The following CLEC3B variants were observed in gnomAD, a reference collection of about 807,000 sequenced individuals.
CLEC3B encodes the protein C-type lectin domain family 3 member B.
Under a neutral mutation model 15.4 loss-of-function variants are expected in CLEC3B, and 13 were observed. The ratio of observed to expected loss-of-function variants is 0.84; its 90% CI spans 0.55 to 1.34. The LOEUF (loss-of-function observed/expected upper bound fraction) is 1.34, where lower values mean the gene tolerates loss of function less well. CLEC3B is among the 40% of genes most tolerant of loss of function. The pLI, the probability that CLEC3B is intolerant of heterozygous loss-of-function variation, is 0.00. For synonymous variants in CLEC3B, 112 were observed against 114.7 expected (o/e 0.98, Z 0.15); for missense variants, 242 against 268.6 (o/e 0.90, Z 0.69).
intron 1 of CLEC3B, 118 bp downstream of exon 1, chr3:45,026,589 G>T: frequency 1.1e-6 from 1 of 875,746 alleles, no homozygotes; most frequent in South Asian, 1.5e-5. Context: ...GGGAACTTGA[G>T]TAAAGTGGGC....
Position 45,035,980 on chromosome 3 carries a change from G to A in CLEC3B, c.*56G>A. ...AGGAGGGCAGGGGCCGCGGGAGGCC[G>A]GGAGGAGGGTGGGGACCTTGCAGCC... On this transcript the variant is annotated 3_prime_UTR_variant, in exon 3 of 3. Transcript: ENST00000296130. The A allele has an allele frequency of 1.4e-6, 2 of 1,476,282 alleles. No individual in the cohort carries two copies. Among genetic ancestry groups the A allele is most frequent in the Non-Finnish European group, 9.0e-7 (1 of 1,108,168 alleles). 91.4% of individuals were successfully genotyped at this position (1,476,282 alleles called of 1,614,324 possible). A position where few individuals can be genotyped will look rare whatever the true frequency, so the allele number is the denominator to read the frequency against.
At chr3:45,035,286 C>A (rs1273235888) in intron 2 of CLEC3B, among the ~76,000 whole-genome samples, 2 of 152,196 alleles carry the variant, frequency 1.3e-5, no homozygotes, top group Non-Finnish European at 2.9e-5. Flanking sequence ...TTTCTCCCAG[C>A]CGCGGGAGCA....
chr3:45,032,661 G>C (rs985449335), intron 2 of CLEC3B, among the ~76,000 whole-genome samples: 12 of 152,200 alleles, frequency 7.9e-5, no homozygotes, highest in African/African-American at 2.7e-4. Flanking sequence ...GTTGAAGGAA[G>C]GACAAACATG....
In CLEC3B at chr3:45,030,810, A is replaced by G; in HGVS notation, c.110-17A>G. The G allele has an allele frequency of 1.9e-6, 3 of 1,561,818 alleles. No individual in the cohort carries two copies. The highest frequency in any genetic ancestry group is 4.7e-5 in the East Asian group (2 of 42,480). Reference sequence around the variant, plus strand: ...CTCAGTCCCTGCCCCACCCTGACATATTTCCTCCTGCTTCAGATGTTGTGA... The same window carrying G: ...CTCAGTCCCTGCCCCACCCTGACATGTTTCCTCCTGCTTCAGATGTTGTGA... On this transcript the variant is annotated splice_polypyrimidine_tract_variant and intron_variant, in intron 1 of 2. Coordinates refer to ENST00000296130, the MANE Select transcript of CLEC3B (RefSeq NM_003278.3).
At position 45,036,048 on chromosome 3, in the gene CLEC3B, G is replaced by A. The variant is rs965059107; in HGVS notation, c.*124G>A. ...CTTGGAGCCTCTTTTTGCAAATAAA[G>A]TTGGTGCAGCTTCGCGGAGAGGAGA... On this transcript the variant is annotated 3_prime_UTR_variant, in exon 3 of 3. Coordinates refer to ENST00000296130, the MANE Select transcript of CLEC3B (RefSeq NM_003278.3). The A allele has an allele frequency of 2.5e-6, 3 of 1,189,030 alleles. No homozygotes were observed. The highest frequency in any genetic ancestry group is 5.2e-5 in the East Asian group (2 of 38,756). 73.7% of individuals were successfully genotyped at this position (1,189,030 alleles called of 1,614,324 possible). A position where few individuals can be genotyped will look rare whatever the true frequency, so the allele number is the denominator to read the frequency against.
chr3:45,027,347 T>A (rs1697497567), intron 1 of CLEC3B, among the ~76,000 whole-genome samples: 1 of 152,202 alleles, frequency 6.6e-6, no homozygotes, highest in South Asian at 2.1e-4. Context: ...AATGGACAGT[T>A]GCCCACTGGC....
At chr3:45,028,946 A>T (rs1697519308) in intron 1 of CLEC3B, among the ~76,000 whole-genome samples, 1 of 152,194 alleles carries the variant, frequency 6.6e-6, no homozygotes, top group Non-Finnish European at 1.5e-5. Flanking sequence ...TTGGGGCCAC[A>T]TGGTCACACC....
At chr3:45,031,239 C>T (rs896401215) in intron 2 of CLEC3B, among the ~76,000 whole-genome samples, 1 of 152,234 alleles carries the variant, frequency 6.6e-6, no homozygotes, top group African/African-American at 2.4e-5. Flanking sequence ...CCAGAAGTGA[C>T]CCTGGAGCGC....
intron 1 of CLEC3B, 136 bp downstream of exon 1, chr3:45,026,607 C>T (rs1697489105): frequency 1.4e-6 from 1 of 732,012 alleles, no homozygotes; most frequent in East Asian, 2.7e-5. Context: ...GGCTTTGGGG[C>T]TTGGGGGAGT....
rs2125980000 is a variant in CLEC3B, at chr3:45,030,840, A to G, written c.123A>G (p.Thr41=). The change falls in exon 2 of 3, where the codon ACA becomes ACG. Residue 41 remains threonine (T), a synonymous_variant. Coordinates refer to ENST00000296130, the MANE Select transcript of CLEC3B (RefSeq NM_003278.3). ...IVNAKKDVVN[T]KMFEELKSRL... ...CTCCTGCTTCAGATGTTGTGAACAC[A>G]AAGATGTTTGAGGAGCTCAAGAGCC... 1 of 1,591,618 alleles carries G rather than the reference A, an allele frequency of 6.3e-7. No homozygotes were observed. The highest frequency in any genetic ancestry group is 1.8e-5 in the Admixed American group (1 of 56,812).
intron 1 of CLEC3B, chr3:45,030,059 G>T: frequency 1.7e-6 from 1 of 581,856 alleles, no homozygotes; most frequent in Non-Finnish European, 2.2e-6. Flanking sequence ...GTGAAATGCT[G>T]GTGGTACAGA....
chr3:45,026,327 G>T lies in CLEC3B; in HGVS notation c.-36G>T, dbSNP rs1394763498. On this transcript the variant is annotated 5_prime_UTR_variant, in exon 1 of 3. Transcript: ENST00000296130. The stretch of plus-strand genomic sequence containing the variant: ...TGTCACTGCGTTCGGACCCAGACCC[G>T]CTGCAGGCAGCAGCAGCCCCCGCCC... 2 of 1,578,970 alleles carry T rather than the reference G, an allele frequency of 1.3e-6. No homozygotes were observed. The highest frequency in any genetic ancestry group is 2.3e-5 in the East Asian group (1 of 44,396).
chr3:45,026,622 T>A (rs1315717943), intron 1 of CLEC3B, 151 bp downstream of exon 1: 1 of 678,974 alleles, frequency 1.5e-6, no homozygotes, highest in Non-Finnish European at 2.6e-6. Flanking sequence ...GGGAGTTCTC[T>A]CATAGCAGAG....
rs1021182025 is a variant in CLEC3B, at chr3:45,029,806, T to C, written c.110-1021T>C. Among the ~76,000 whole-genome samples the C allele has an allele frequency of 5.3e-5, 8 of 152,252 alleles. No homozygotes were observed. The East Asian group carries it at 1.2e-3, about 22-fold the overall frequency. ...CTAAACTTACACACACATAGAAATA[T>C]GCTTCCCGGCACCCTCAACTTACAC... On this transcript the variant is annotated intron_variant, in intron 1 of 2. Coordinates refer to ENST00000296130, the MANE Select transcript of CLEC3B (RefSeq NM_003278.3).
rs1201789378 is a variant in CLEC3B at position 45,035,647 on chromosome 3, G to A, written c.332G>A (p.Gly111Asp). 7 of 1,613,722 alleles carry A rather than the reference G, an allele frequency of 4.3e-6. No homozygotes were observed. The highest frequency in any genetic ancestry group is 2.7e-5 in the African/African-American group (2 of 74,942). ...GGCACCCTGGGCACCCCTCAGACTG[G>A]CTCGGAGAACGACGCCCTGTATGAG... is the stretch of plus-strand genomic sequence containing the variant. ...RGGTLGTPQT[G>D]SENDALYEYL... The change falls in exon 3 of 3, where the codon GGC (glycine) becomes GAC (aspartate). Residue 111 changes from glycine (G) to aspartate (D), a missense_variant. Coordinates refer to ENST00000296130, the MANE Select transcript of CLEC3B (RefSeq NM_003278.3).
intron 1 of CLEC3B, chr3:45,030,357 G>A: frequency 2.5e-6 from 1 of 392,396 alleles, no homozygotes; most frequent in South Asian, 9.8e-5. Context: ...GCTCGCCCAG[G>A]CCACCCGTGT....
In CLEC3B at chr3:45,035,873, C is replaced by T; in HGVS notation, c.558C>T (p.Asp186=). The T allele has an allele frequency of 6.2e-7, 1 of 1,611,468 alleles. No individual in the cohort carries two copies. The highest frequency in any genetic ancestry group is 8.5e-7 in the Non-Finnish European group (1 of 1,179,528). The change falls in exon 3 of 3, where the codon GAC becomes GAT. Residue 186 remains aspartate (D), a synonymous_variant. Coordinates refer to ENST00000296130, the MANE Select transcript of CLEC3B (RefSeq NM_003278.3). ...GCGCGGCCAACGGCAAGTGGTTCGA[C>T]AAGCGCTGCCGCGATCAGCTGCCCT... ...LSGAANGKWF[D]KRCRDQLPYI... is the part of the protein sequence containing the mutation.
chr3:45,026,354 C>A lies in CLEC3B; in HGVS notation c.-9C>A. 1.2e-6 allele frequency: 2 copies of A among 1,612,032 alleles called. No individual in the cohort carries two copies. The highest frequency in any genetic ancestry group is 1.7e-4 in the Middle Eastern group (1 of 6,052). The stretch of plus-strand genomic sequence containing the variant: ...TGCAGGCAGCAGCAGCCCCCGCCCG[C>A]GCAGCAGCATGGAGCTCTGGGGGGC... On this transcript the variant is annotated 5_prime_UTR_variant, in exon 1 of 3. Coordinates refer to ENST00000296130, the MANE Select transcript of CLEC3B (RefSeq NM_003278.3).
intron 2 of CLEC3B, among the ~76,000 whole-genome samples, chr3:45,034,836 C>T (rs527279293): frequency 2.4e-4 from 36 of 152,182 alleles, no homozygotes; most frequent in Admixed American, 5.2e-4. Flanking sequence ...ACCCTACCAG[C>T]CCTCAGGAGA....
Sources: allele counts gnomAD v4.1 joint callset (sites outside exome capture counted in the v4.1 genomes callset), GRCh38; gene constraint gnomAD v4.1.1; transcripts MANE v1.5; gene names NCBI Gene and HGNC (gene_info 2026-07-23, HGNC 2026-07-21).